OTOG: variants seen among roughly 807,000 people sequenced by gnomAD.
OTOG encodes the protein otogelin.
OTOG carries 296 observed loss-of-function variants against 313.8 expected under a neutral mutation model. That is an observed-to-expected ratio of 0.94 (90% CI 0.86 to 1.04). OTOG has a LOEUF of 1.04. Among genes scored for constraint, OTOG ranks in the 50% least tolerant of loss-of-function variants. The probability of loss-of-function intolerance (pLI) is 0.00; values close to 1 mark genes in which losing one functional copy is unlikely to be tolerated. For missense variants in OTOG, 3,948 were observed against 3,840.1 expected (o/e 1.03, Z -0.74); for synonymous variants, 1,533 against 1,554.9 (o/e 0.99, Z 0.33).
intron 39 of OTOG, among the ~76,000 whole-genome samples, chr11:17,627,930 T>C (rs975716554): frequency 3.3e-5 from 5 of 152,164 alleles, no homozygotes; most frequent in Admixed American, 3.3e-4. Flanking sequence ...TGATGCCTCT[T>C]TTTTCATCTC....
In OTOG at chr11:17,559,670, A is replaced by G. The variant is rs1852136333; in HGVS notation, c.1342+8A>G. 1 of 1,546,298 alleles carries G rather than the reference A, an allele frequency of 6.5e-7. No homozygotes were observed. Among genetic ancestry groups the G allele is most frequent in the African/African-American group, 1.4e-5 (1 of 72,846 alleles). On this transcript the variant is annotated splice_region_variant and intron_variant, in intron 12 of 55. Coordinates refer to ENST00000399397, the MANE Select transcript of OTOG (RefSeq NM_001292063.2). ...GCTGCTATTGCCCCAATGGTATGCT[A>G]GGGGCAGACGTAGGTGCCTGGCACC...
At chr11:17,599,618 C>G in intron 30 of OTOG, 53 bp from the exon 31 acceptor site, 1 of 1,543,872 alleles carries the variant, frequency 6.5e-7, no homozygotes, top group Non-Finnish European at 8.8e-7. Context: ...CTCTGTCTGT[C>G]TGTTCCAGGC....
chr11:17,548,095 C>T (rs763557280), intron 2 of OTOG, 57 bp from the exon 3 acceptor site: 9 of 1,505,054 alleles, frequency 6.0e-6, no homozygotes, highest in African/African-American at 2.8e-5. Context: ...CAGGGGACTG[C>T]GGGGAGGCAT....
chr11:17,633,599 T>C lies in OTOG; in HGVS notation c.7073-81T>C, dbSNP rs2133706716. 6.0e-6 allele frequency: 8 copies of C among 1,324,360 alleles called. No homozygotes were observed. In the African/African-American group the frequency reaches 7.4e-5, roughly 12 times the overall value. 82.0% of individuals were successfully genotyped at this position (1,324,360 alleles called of 1,614,324 possible). ...GATGACACTCTGAGCCCTCTCCTCA[T>C]CCCCTCCTGTTCTTTCGGCCCTCAG... On this transcript the variant is annotated intron_variant, in intron 42 of 55. Coordinates refer to ENST00000399397, the MANE Select transcript of OTOG (RefSeq NM_001292063.2).
chr11:17,548,358 G>A, intron 3 of OTOG, 146 bp downstream of exon 3: 2 of 529,130 alleles, frequency 3.8e-6, no homozygotes, highest in Non-Finnish European at 6.3e-6. Context: ...TGTGTCTGAG[G>A]TGTGCAAGTT....
Position 17,642,261 on chromosome 11 carries a change from C to T in OTOG, c.8415+15C>T. On this transcript the variant is annotated intron_variant, in intron 53 of 55. Transcript: ENST00000399397. ...AGTGTGCCAAGGTCAGTGCCTCCTT[C>T]TCCACTGAGGCTGTAGGCCAGGGGC... 1.3e-6 allele frequency: 2 copies of T among 1,544,594 alleles called. No homozygotes were observed. Among genetic ancestry groups the T allele is most frequent in the South Asian group, 2.4e-5 (2 of 83,076 alleles).
chr11:17,592,969 T>C (rs530521239), intron 25 of OTOG, among the ~76,000 whole-genome samples: 2 of 152,338 alleles, frequency 1.3e-5, no homozygotes, highest in African/African-American at 4.8e-5. Context: ...ATACATTCAT[T>C]CATCAGATAT....
At chr11:17,643,592 T>C (rs1313879456) in intron 54 of OTOG, 86 bp downstream of exon 54, 9 of 1,024,284 alleles carry the variant, frequency 8.8e-6, no homozygotes, top group Admixed American at 3.8e-5. Flanking sequence ...ACCAGGTTCC[T>C]GGCCTGGCAC....
intron 49 of OTOG, 32 bp downstream of exon 49, chr11:17,639,495 G>A (rs1847923310): frequency 3.2e-6 from 5 of 1,547,796 alleles, no homozygotes; most frequent in Non-Finnish European, 2.6e-6. Flanking sequence ...AACACTCCCT[G>A]GTCTGCTCCC....
At chr11:17,581,544 T>C (rs541737753) in intron 23 of OTOG, among the ~76,000 whole-genome samples, 179 of 152,328 alleles carry the variant, frequency 1.2e-3, no homozygotes, top group Admixed American at 2.0e-3. Context: ...AACAAAATGG[T>C]TGGTCCTCCT....
Position 17,558,832 on chromosome 11 carries a change from G to A in OTOG, c.1103+188G>A, listed in dbSNP as rs555923471. On this transcript the variant is annotated intron_variant, in intron 10 of 55. Coordinates refer to ENST00000399397, the MANE Select transcript of OTOG (RefSeq NM_001292063.2). ...AGGCTTGGAAATGGGGCCGGACCCC[G>A]TTAGGGTCACATAACAAGTTAGTGG... Among the ~76,000 whole-genome samples, 15 of 152,346 alleles carry A rather than the reference G, an allele frequency of 9.8e-5. 1 individual carries two copies. In the South Asian group the frequency reaches 1.4e-3, roughly 15 times the overall value.
chr11:17,558,528 CT>C lies in OTOG; in HGVS notation c.997-8del, dbSNP rs935470936. On this transcript the variant is annotated splice_polypyrimidine_tract_variant and intron_variant, in intron 9 of 55. Coordinates refer to ENST00000399397, the MANE Select transcript of OTOG (RefSeq NM_001292063.2). ...AGCCCCTAGCCCTGGCTCCTGGTCC[CT>C]TGCTCTAGGGCGTGTACGAGCAGTG... The C allele has an allele frequency of 2.6e-6, 4 of 1,550,320 alleles. No individual in the cohort carries two copies. Among genetic ancestry groups the C allele is most frequent in the African/African-American group, 2.7e-5 (2 of 73,064 alleles).
At position 17,610,372 on chromosome 11, in the gene OTOG, C is replaced by G. The variant is rs755452043; in HGVS notation, c.5072C>G (p.Ser1691Ter). The G allele has an allele frequency of 6.4e-7, 1 of 1,550,602 alleles. No homozygotes were observed. The change falls in exon 36 of 56, where the codon TCA (serine) becomes TGA (stop). Residue 1691 changes from serine to a stop codon, truncating the protein, a stop_gained. Transcript: ENST00000399397. LOFTEE classifies it high-confidence loss of function. The part of the protein sequence containing the change: ...VPQPTQAQSA[S>*]SPSTPLTVAG... ...CAGCCCACCCAGGCCCAGAGTGCTT[C>G]AAGTCCCAGCACCCCTCTAACTGTG... is the stretch of plus-strand genomic sequence containing the variant.
Position 17,576,564 on chromosome 11 carries a change from G to T in OTOG, c.2495G>T (p.Cys832Phe). Reference protein sequence around the residue: ...QADLCVPRNQCSCHFQGVDYP... With the variant: ...QADLCVPRNQFSCHFQGVDYP... ...CTCCCATTTTTTTATAGGAACCAGTGCTCCTGCCACTTCCAGGGAGTGGAC... is the reference window on the plus strand; with the variant it reads ...CTCCCATTTTTTTATAGGAACCAGTTCTCCTGCCACTTCCAGGGAGTGGAC... Residue 832 changes from cysteine to phenylalanine, a missense_variant, in exon 21 of 56, where the codon TGC becomes TTC. Coordinates refer to ENST00000399397, the MANE Select transcript of OTOG (RefSeq NM_001292063.2). 6.5e-7 allele frequency: 1 copy of T among 1,550,338 alleles called. No homozygotes were observed. Among genetic ancestry groups the T allele is most frequent in the Non-Finnish European group, 8.7e-7 (1 of 1,146,788 alleles).
Position 17,560,709 on chromosome 11 carries a change from G to T in OTOG, c.1343G>T (p.Gly448Val). ...AATTGGCCCTTTGCTGTCACTCTAG[G>T]GCTCATCTTCGAGGATGGGGGCTGC... ...ACVDGCYCPNGLIFEDGGCVA... is the reference protein window; with the variant it reads ...ACVDGCYCPNVLIFEDGGCVA... The change falls in exon 13 of 56, where the codon GGG (glycine) becomes GTG (valine). Residue 448 changes from glycine to valine, a missense_variant and splice_region_variant. Coordinates refer to ENST00000399397, the MANE Select transcript of OTOG (RefSeq NM_001292063.2). 1 of 1,550,170 alleles carries T rather than the reference G, an allele frequency of 6.5e-7. No homozygotes were observed. The highest frequency in any genetic ancestry group is 8.7e-7 in the Non-Finnish European group (1 of 1,146,636).
At position 17,641,867 on chromosome 11, in the gene OTOG, G is replaced by T. The variant is rs1159303575; in HGVS notation, c.8211G>T (p.Pro2737=). 1.3e-6 allele frequency: 2 copies of T among 1,550,042 alleles called. No homozygotes were observed. ...TGTAGAACCAGGAGTACGAGCACCC[G>T]CGGGACCTCGCTGCCTGCTGCGGCT... ...HCEANQEYEH[P]RDLAACCGSC... is the part of the protein sequence containing the mutation. The change falls in exon 52 of 56, where the codon CCG becomes CCT. Residue 2737 remains proline, a synonymous_variant. Transcript: ENST00000399397.
At chr11:17,632,007 C>T in intron 41 of OTOG, 81 bp from the exon 42 acceptor site, 2 of 1,540,864 alleles carry the variant, frequency 1.3e-6, no homozygotes, top group Non-Finnish European at 1.8e-6. Flanking sequence ...CTCATTGTTC[C>T]TTTTGGGCAG....
In OTOG at chr11:17,610,935, G is replaced by A. The variant is rs1410778043; in HGVS notation, c.5635G>A (p.Gly1879Arg). ...AAGTAPGLLL[G>R]ATLPTSGVLP... ...AGGCACAGCTCCAGGCCTGCTGCTG[G>A]GAGCCACATTGCCAACCTCTGGAGT... The change falls in exon 36 of 56, where the codon GGA (glycine) becomes AGA (arginine). Residue 1879 changes from glycine to arginine, a missense_variant. Transcript: ENST00000399397. 6.5e-7 allele frequency: 1 copy of A among 1,550,328 alleles called. No homozygotes were observed. Among genetic ancestry groups the A allele is most frequent in the Non-Finnish European group, 8.7e-7 (1 of 1,146,966 alleles).
At chr11:17,573,010 A>G in intron 18 of OTOG, 68 bp from the exon 19 acceptor site, 1 of 1,380,620 alleles carries the variant, frequency 7.2e-7, no homozygotes, top group Non-Finnish European at 9.8e-7. Context: ...GGAGGGAGAG[A>G]GGCTGATCCT....
Sources: allele counts gnomAD v4.1 joint callset (sites outside exome capture counted in the v4.1 genomes callset), GRCh38; gene constraint gnomAD v4.1.1; transcripts MANE v1.5; gene names NCBI Gene and HGNC (gene_info 2026-07-23, HGNC 2026-07-21).